Variants in GRID2 observed in about 807,000 individuals in gnomAD.
GRID2 encodes glutamate ionotropic receptor delta type subunit 2.
In GRID2, 33 loss-of-function variants were observed where a neutral mutation model predicts 114.8. The observed-to-expected ratio is 0.29, with a 90% CI of 0.22 to 0.38. GRID2 has a LOEUF of 0.38. Among genes scored for constraint, GRID2 ranks in the 10% least tolerant of loss-of-function variants. GRID2 has a pLI of 1.00. For missense variants in GRID2, 1,184 were observed against 1,257.7 expected (o/e 0.94, Z 0.89); for synonymous variants, 505 against 449.9 (o/e 1.12, Z -1.55).
At chr4:92,361,258 G>A (rs991232578) in intron 1 of GRID2, among the ~76,000 whole-genome samples, 3 of 151,884 alleles carry the variant, frequency 2.0e-5, no homozygotes, top group South Asian at 2.1e-4. Context: ...TTTAACCTTC[G>A]CAGGTAAGTC....
chr4:93,321,444 A>G (rs1757203097), intron 8 of GRID2, among the ~76,000 whole-genome samples: 1 of 152,126 alleles, frequency 6.6e-6, no homozygotes, highest in Non-Finnish European at 1.5e-5. Flanking sequence ...ATGAGATAAG[A>G]AATATGGAAA....
intron 10 of GRID2, among the ~76,000 whole-genome samples, chr4:93,441,507 ATACTT>A (rs1034794376): frequency 3.9e-5 from 6 of 152,036 alleles, no homozygotes; most frequent in African/African-American, 1.4e-4. Flanking sequence ...GCAATGGTGA[ATACTT>A]TACTAAATGA....
chr4:93,563,529 C>T (rs1735116115), intron 13 of GRID2, among the ~76,000 whole-genome samples: 3 of 151,844 alleles, frequency 2.0e-5, no homozygotes, highest in African/African-American at 7.2e-5. Flanking sequence ...GCCCAAAAGC[C>T]CCACTGTTGA....
chr4:93,313,334 A>G (rs1756226190), intron 8 of GRID2, among the ~76,000 whole-genome samples: 1 of 152,202 alleles, frequency 6.6e-6, no homozygotes, highest in South Asian at 2.1e-4. Flanking sequence ...CCTTCTGCAG[A>G]GGAATGACTT....
At chr4:92,835,900 C>G (rs1334513631) in intron 2 of GRID2, among the ~76,000 whole-genome samples, 1 of 152,118 alleles carries the variant, frequency 6.6e-6, no homozygotes, top group Non-Finnish European at 1.5e-5. Flanking sequence ...AACTCCTTGA[C>G]AGCAGATCAC....
intron 2 of GRID2, among the ~76,000 whole-genome samples, chr4:92,799,304 C>T (rs1322490702): frequency 6.6e-6 from 1 of 151,930 alleles, no homozygotes; most frequent in Non-Finnish European, 1.5e-5. Flanking sequence ...AATGCTGCTG[C>T]TGATCTGATG....
At chr4:93,589,207 C>G (rs1461846032) in intron 13 of GRID2, among the ~76,000 whole-genome samples, 1 of 124,754 alleles carries the variant, frequency 8.0e-6, no homozygotes, top group Admixed American at 8.9e-5. Context: ...CCCCCTCCCC[C>G]CACCCCACAA....
chr4:92,924,551 C>A (rs575648173), intron 2 of GRID2, among the ~76,000 whole-genome samples: 2 of 152,212 alleles, frequency 1.3e-5, no homozygotes, highest in Admixed American at 6.6e-5. Flanking sequence ...AAATTATCTT[C>A]CAAAACACTG....
Position 93,055,047 on chromosome 4 carries a change from A to C in GRID2, c.245-29948A>C, listed in dbSNP as rs556693578. ...TTATCACAATGCCAAGTTATCATCC[A>C]CATAGTGAAAAACAGATATAACCTT... is the stretch of plus-strand genomic sequence containing the variant. On this transcript the variant is annotated intron_variant, in intron 2 of 15. Coordinates refer to ENST00000282020, the MANE Select transcript of GRID2 (RefSeq NM_001510.4). Among the ~76,000 whole-genome samples the C allele has an allele frequency of 8.5e-5, 13 of 152,048 alleles. No individual in the cohort carries two copies. The South Asian group carries it at 2.7e-3, about 31-fold the overall frequency.
At chr4:93,190,092 T>G (rs1429789292) in intron 4 of GRID2, among the ~76,000 whole-genome samples, 1 of 152,154 alleles carries the variant, frequency 6.6e-6, no homozygotes, top group Non-Finnish European at 1.5e-5. Flanking sequence ...TAGTTTAGAA[T>G]GCCTAATGGT....
rs747444117 is a variant in GRID2, at chr4:93,544,776, T to TG, written c.2193+29367dup. 4.9e-3 allele frequency among the ~76,000 whole-genome samples: 538 copies of TG among 109,998 alleles called. 4 individuals are homozygous for TG. Among genetic ancestry groups the TG allele is most frequent in the Non-Finnish European group, 7.3e-3 (392 of 53,550 alleles). The allele number at this position is 109,998 out of a possible 152,430, so 72.2% of individuals were successfully genotyped here. On this transcript the variant is annotated intron_variant, in intron 13 of 15. Transcript: ENST00000282020. ...TGGGCAACAAGAGCAAAACTCCCTC[T>TG]GGAAAAAAAAAAAAAGAAAAAAAGA...
intron 2 of GRID2, among the ~76,000 whole-genome samples, chr4:92,909,681 AG>A (rs1467258759): frequency 6.6e-6 from 1 of 152,078 alleles, no homozygotes; most frequent in Non-Finnish European, 1.5e-5. Flanking sequence ...AGGAATTCAG[AG>A]CTCCTTGGGA....
intron 13 of GRID2, among the ~76,000 whole-genome samples, chr4:93,619,547 C>A (rs1457169377): frequency 6.6e-6 from 1 of 152,206 alleles, no homozygotes; most frequent in Admixed American, 6.5e-5. Context: ...TCACATTATT[C>A]TCAGGCCTTT....
rs921631253 is a variant in GRID2, at chr4:92,760,504, A to G, written c.244+170218A>G. ...CAATGCCCTCACCATACCCAGAACT[A>G]CTCTCCACAGCCAATCCAGCTTCAG... On this transcript the variant is annotated intron_variant, in intron 2 of 15. Coordinates refer to ENST00000282020, the MANE Select transcript of GRID2 (RefSeq NM_001510.4). Among the ~76,000 whole-genome samples the G allele has an allele frequency of 4.6e-5, 7 of 152,032 alleles. No individual in the cohort carries two copies. In the South Asian group the frequency reaches 1.2e-3, roughly 27 times the overall value.
chr4:92,761,767 G>T (rs1239281507), intron 2 of GRID2, among the ~76,000 whole-genome samples: 1 of 152,092 alleles, frequency 6.6e-6, no homozygotes, highest in Non-Finnish European at 1.5e-5. Flanking sequence ...ATAATGCACA[G>T]CTGGTGAGGA....
At chr4:93,431,846 C>G (rs755084141) in intron 10 of GRID2, among the ~76,000 whole-genome samples, 1 of 151,926 alleles carries the variant, frequency 6.6e-6, no homozygotes, top group Non-Finnish European at 1.5e-5. Flanking sequence ...GGATAAATAT[C>G]CTGGAACAGA....
chr4:93,412,583 C>A (rs763783166), intron 9 of GRID2, among the ~76,000 whole-genome samples: 12 of 151,926 alleles, frequency 7.9e-5, no homozygotes, highest in East Asian at 1.9e-4. Context: ...TTTTATTTTT[C>A]TTTTTCTTTT....
At position 92,829,155 on chromosome 4, in the gene GRID2, A is replaced by G. The variant is rs560165480; in HGVS notation, c.244+238869A>G. On this transcript the variant is annotated intron_variant, in intron 2 of 15. Coordinates refer to ENST00000282020, the MANE Select transcript of GRID2 (RefSeq NM_001510.4). ...GGGTTTTTATAGTTTTAGGTTTTACATTTAAGCCTTTAATCGATCTTGAGT... is the reference window on the plus strand; with the variant it reads ...GGGTTTTTATAGTTTTAGGTTTTACGTTTAAGCCTTTAATCGATCTTGAGT... Among the ~76,000 whole-genome samples the G allele has an allele frequency of 1.7e-4, 26 of 152,264 alleles. No individual in the cohort carries two copies. The South Asian group carries it at 2.7e-3, about 16-fold the overall frequency.
intron 1 of GRID2, among the ~76,000 whole-genome samples, chr4:92,452,933 T>C (rs1209793673): frequency 8.5e-6 from 1 of 117,186 alleles, no homozygotes; most frequent in Non-Finnish European, 1.9e-5. Context: ...TACATAGAGA[T>C]AGACTGACAG....
Sources: gnomAD v4.1 joint callset for allele counts (sites outside exome capture counted in the v4.1 genomes callset) on GRCh38, gnomAD v4.1.1 for gene constraint, MANE v1.5 for transcripts, NCBI Gene and HGNC (gene_info 2026-07-23, HGNC 2026-07-21) for gene names.